Variants in DNAJC2 observed in about 807,000 individuals in gnomAD.
The protein encoded by DNAJC2 is dnaJ homolog subfamily C member 2.
DNAJC2 carries 32 observed loss-of-function variants against 94.0 expected under a neutral mutation model. The observed-to-expected ratio is 0.34, with a 90% CI of 0.26 to 0.46. The LOEUF is 0.46. DNAJC2 is among the 20% of genes least tolerant of loss of function. DNAJC2 has a pLI of 1.00. For synonymous variants in DNAJC2, 210 were observed against 229.7 expected, an observed-to-expected ratio of 0.91 and a Z score of 0.77; for missense variants, 550 against 719.5, an observed-to-expected ratio of 0.76 and a Z score of 2.69.
intron 2 of DNAJC2, among the ~76,000 whole-genome samples, chr7:103,338,409 G>A (rs1390575088): frequency 6.6e-6 from 1 of 150,584 alleles, no homozygotes; most frequent in Non-Finnish European, 1.5e-5. Context: ...CAATTCTCCT[G>A]CCTCAGCCTT....
At chr7:103,313,975 T>C in intron 15 of DNAJC2, 1 of 985,392 alleles carries the variant, frequency 1.0e-6, no homozygotes, top group Non-Finnish European at 1.2e-6. Context: ...CTGTGAGATC[T>C]GTTAAAAGTT....
chr7:103,332,889 G>A (rs541032056), intron 3 of DNAJC2, among the ~76,000 whole-genome samples: 1 of 152,280 alleles, frequency 6.6e-6, no homozygotes, highest in South Asian at 2.1e-4. Flanking sequence ...CTTCTAAAGT[G>A]CTGGGATCAA....
chr7:103,312,725 AAGC>A, intron 16 of DNAJC2, 82 bp from the exon 17 acceptor site: 1 of 1,581,616 alleles, frequency 6.3e-7, no homozygotes, highest in Non-Finnish European at 8.5e-7. Flanking sequence ...TAAAGAATTC[AAGC>A]AACTAAGATA....
intron 1 of DNAJC2, among the ~76,000 whole-genome samples, chr7:103,342,492 A>G (rs1002639833): frequency 2.0e-5 from 3 of 151,552 alleles, no homozygotes; most frequent in African/African-American, 7.3e-5. Flanking sequence ...TTTAGTAGAG[A>G]TGGGGTTTCT....
intron 4 of DNAJC2, among the ~76,000 whole-genome samples, chr7:103,327,170 G>A (rs1374762161): frequency 1.3e-5 from 2 of 152,054 alleles, no homozygotes; most frequent in Admixed American, 6.6e-5. Context: ...TGATGTGTAT[G>A]TAAATAGCAA....
rs751657738 is a variant in DNAJC2, at chr7:103,341,797, G to A, written c.222C>T (p.Pro74=). 5.0e-6 allele frequency: 8 copies of A among 1,598,404 alleles called. No homozygotes were observed. Among genetic ancestry groups the A allele is most frequent in the Non-Finnish European group, 6.8e-6 (8 of 1,173,456 alleles). The change falls in exon 2 of 17, where the codon CCC becomes CCT. Residue 74 remains proline, a synonymous_variant. Transcript: ENST00000379263. ...CTTTGGGATCAAGTGTTTTCAGCAT[G>A]GGAAACTCTTCCAACTGCAATTCTT... ...EDEELQLEEF[P]MLKTLDPKDW... is the part of the protein sequence containing the mutation.
chr7:103,320,137 G>A (rs1475424715), intron 10 of DNAJC2, among the ~76,000 whole-genome samples: 1 of 152,088 alleles, frequency 6.6e-6, no homozygotes, highest in Non-Finnish European at 1.5e-5. Context: ...CGCCCAGGCT[G>A]GAGTCCAGTG....
chr7:103,318,297 T>C (rs908362760), intron 12 of DNAJC2, among the ~76,000 whole-genome samples: 2 of 152,106 alleles, frequency 1.3e-5, no homozygotes, highest in African/African-American at 2.4e-5. Context: ...TCCTGAGAAG[T>C]TGGGACTACA....
chr7:103,328,212 G>C (rs1818809001), intron 3 of DNAJC2, among the ~76,000 whole-genome samples: 1 of 152,066 alleles, frequency 6.6e-6, no homozygotes, highest in South Asian at 2.1e-4. Context: ...GTGAGCCACT[G>C]AGCCCGGCTT....
chr7:103,312,833 C>T, intron 16 of DNAJC2, 114 bp downstream of exon 16: 1 of 1,523,316 alleles, frequency 6.6e-7, no homozygotes, highest in Non-Finnish European at 8.8e-7. Flanking sequence ...CCCATAACTA[C>T]TGGTTTTGAA....
chr7:103,314,633 A>AACC, intron 15 of DNAJC2: 1 of 985,402 alleles, frequency 1.0e-6, no homozygotes, highest in South Asian at 4.7e-5. Context: ...GGTGTTCTGA[A>AACC]ACCCTGCCTT....
rs767821808 is a variant in DNAJC2 at position 103,322,751 on chromosome 7, T to G, written c.763A>C (p.Arg255=). 3.7e-6 allele frequency: 6 copies of G among 1,609,502 alleles called. No individual in the cohort carries two copies. The highest frequency in any genetic ancestry group is 5.1e-6 in the Non-Finnish European group (6 of 1,179,750). ...ATTTCTTCTTTTTTTCTTTGTGCTC[T>G]TGTTGCTCTGTTCTGCTTTTCAATC... ...RWIEKQNRAT[R]AQRKKEEMNR... is the part of the protein sequence containing the mutation. The change falls in exon 8 of 17, where the codon AGA becomes CGA. Residue 255 remains arginine, a synonymous_variant. Coordinates refer to ENST00000379263, the MANE Select transcript of DNAJC2 (RefSeq NM_014377.3).
rs1412509571 is a variant in DNAJC2 at position 103,313,121 on chromosome 7, A to G, written c.1637-20T>C. On this transcript the variant is annotated intron_variant, in intron 15 of 16. Coordinates refer to ENST00000379263, the MANE Select transcript of DNAJC2 (RefSeq NM_014377.3). The stretch of plus-strand genomic sequence containing the variant: ...ATGGACCTGATTAAGAAAAATTTTT[A>G]TTTGAAAACTGTCTTTGAACATGTT... The G allele has an allele frequency of 2.5e-6, 4 of 1,591,946 alleles. No homozygotes were observed. Among genetic ancestry groups the G allele is most frequent in the Non-Finnish European group, 2.6e-6 (3 of 1,172,750 alleles).
At chr7:103,338,140 T>C (rs1016751192) in intron 2 of DNAJC2, among the ~76,000 whole-genome samples, 8 of 151,952 alleles carry the variant, frequency 5.3e-5, no homozygotes, top group Admixed American at 4.6e-4. Context: ...TGTGGTGGTG[T>C]GCACCTGTAG....
intron 15 of DNAJC2, chr7:103,313,895 T>G: frequency 1.0e-6 from 1 of 985,448 alleles, no homozygotes; most frequent in Non-Finnish European, 1.2e-6. Context: ...GCAATTTAGT[T>G]ATTTCAGACT....
Position 103,315,995 on chromosome 7 carries a change from T to C in DNAJC2, c.1521A>G (p.Gln507=). 1.3e-6 allele frequency: 2 copies of C among 1,592,654 alleles called. No individual in the cohort carries two copies. Among genetic ancestry groups the C allele is most frequent in the Non-Finnish European group, 1.7e-6 (2 of 1,169,660 alleles). ...KDVIGKAKSL[Q]KLDPHQKDDI... ...GGACTTCTCAAAACTCACCAAGTTT[T>C]TGGAGACTCTTTGCTTTGCCAATAA... is the stretch of plus-strand genomic sequence containing the variant. The change falls in exon 14 of 17, where the codon CAA becomes CAG. Residue 507 remains glutamine (Q), a synonymous_variant. Coordinates refer to ENST00000379263, the MANE Select transcript of DNAJC2 (RefSeq NM_014377.3).
chr7:103,321,511 C>T (rs1488929709), intron 10 of DNAJC2, among the ~76,000 whole-genome samples: 1 of 151,708 alleles, frequency 6.6e-6, no homozygotes, highest in African/African-American at 2.4e-5. Flanking sequence ...GTGCGAGACT[C>T]CATCTCAAAT....
intron 2 of DNAJC2, 97 bp from the exon 3 acceptor site, chr7:103,337,908 C>T (rs939808800): frequency 4.6e-6 from 4 of 862,312 alleles, no homozygotes; most frequent in Non-Finnish European, 7.5e-6. Context: ...CCCAAAGTGA[C>T]ATTTCATCAG....
At chr7:103,328,138 T>G (rs1026381973) in intron 3 of DNAJC2, among the ~76,000 whole-genome samples, 1 of 151,750 alleles carries the variant, frequency 6.6e-6, no homozygotes, top group African/African-American at 2.4e-5. Flanking sequence ...GCCAGGCTGG[T>G]CTCAAACTCT....
Sources: gnomAD v4.1 joint callset for allele counts (sites outside exome capture counted in the v4.1 genomes callset) on GRCh38, gnomAD v4.1.1 for gene constraint, MANE v1.5 for transcripts, NCBI Gene and HGNC (gene_info 2026-07-23, HGNC 2026-07-21) for gene names.